TRPM3: variants seen among roughly 807,000 people sequenced by gnomAD.
TRPM3 encodes the protein long transient receptor potential channel 3.
TRPM3 carries 77 observed loss-of-function variants against 181.2 expected under a neutral mutation model. The observed-to-expected ratio is 0.42, with a 90% CI of 0.35 to 0.51. The LOEUF (loss-of-function observed/expected upper bound fraction) is 0.51. TRPM3 is among the 20% of genes least tolerant of loss of function. TRPM3 has a pLI of 0.01. For missense variants in TRPM3, 1,759 were observed against 2,196.7 expected (o/e 0.80, Z 3.98); for synonymous variants, 745 against 796.4 (o/e 0.94, Z 1.09).
intron 1 of TRPM3, among the ~76,000 whole-genome samples, chr9:70,971,438 C>T (rs770235002): frequency 7.2e-4 from 110 of 152,146 alleles, no homozygotes; most frequent in Admixed American, 2.6e-3. Flanking sequence ...GCTCTCTATT[C>T]ACCGCTAGGA....
At chr9:70,936,936 A>G (rs1034257982) in intron 1 of TRPM3, among the ~76,000 whole-genome samples, 13 of 152,204 alleles carry the variant, frequency 8.5e-5, no homozygotes, top group Non-Finnish European at 1.6e-4. Context: ...CAAAAAACAC[A>G]CAGCTTATCA....
At chr9:71,446,193 G>A (rs1229562156) in intron 1 of TRPM3, among the ~76,000 whole-genome samples, 1 of 152,104 alleles carries the variant, frequency 6.6e-6, no homozygotes, top group East Asian at 1.9e-4. Context: ...TAAAATGGTG[G>A]GGGTGTGGGA....
chr9:71,292,186 A>G (rs563572447), intron 1 of TRPM3, among the ~76,000 whole-genome samples: 17 of 152,208 alleles, frequency 1.1e-4, no homozygotes, highest in African/African-American at 4.1e-4. Flanking sequence ...AGTACCTCGA[A>G]AGTTGAAAAC....
Position 71,168,281 on chromosome 9 carries a change from T to C in TRPM3, c.183+278372A>G, listed in dbSNP as rs1222544333. 3.3e-5 allele frequency among the ~76,000 whole-genome samples: 5 copies of C among 152,178 alleles called. No individual in the cohort carries two copies. The East Asian group carries it at 7.7e-4, about 23-fold the overall frequency. Reference sequence around the variant, plus strand: ...TTATCTGCTATCTTCCTTTGTAATCTAGTTTTCACTCTTTTGTACTTGTTA... The same window carrying C: ...TTATCTGCTATCTTCCTTTGTAATCCAGTTTTCACTCTTTTGTACTTGTTA... On this transcript the variant is annotated intron_variant, in intron 1 of 24. Transcript: ENST00000357533.
In TRPM3 at chr9:71,223,973, A is replaced by G. The variant is rs540082448; in HGVS notation, c.183+222680T>C. ...GGACTCAGGAGGAACTTGCCACCCT[A>G]AAGGGAAGAACACAAATCTGACTGG... is the stretch of plus-strand genomic sequence containing the variant. On this transcript the variant is annotated intron_variant, in intron 1 of 24. Coordinates refer to the TRPM3 transcript ENST00000357533. Among the ~76,000 whole-genome samples, 3 of 152,320 alleles carry G rather than the reference A, an allele frequency of 2.0e-5. 1 individual carries two copies. The South Asian group carries it at 6.2e-4, about 32-fold the overall frequency.
chr9:70,793,555 A>C (rs747259497), intron 6 of TRPM3: 8 of 467,918 alleles, frequency 1.7e-5, no homozygotes, highest in South Asian at 1.1e-4. Flanking sequence ...ATACATACAT[A>C]TATATACCCC....
At chr9:70,643,808 G>A (rs1257763363) in intron 9 of TRPM3, among the ~76,000 whole-genome samples, 1 of 152,210 alleles carries the variant, frequency 6.6e-6, no homozygotes, top group Non-Finnish European at 1.5e-5. Flanking sequence ...GTTTTTAAAA[G>A]TTCCCCAATG....
intron 6 of TRPM3, among the ~76,000 whole-genome samples, chr9:70,819,472 G>A (rs1398867376): frequency 1.3e-5 from 2 of 152,128 alleles, no homozygotes; most frequent in African/African-American, 4.8e-5. Flanking sequence ...AGTTTAATCT[G>A]CTGCTTTAGA....
At chr9:70,751,316 G>C (rs1211355740) in intron 8 of TRPM3, among the ~76,000 whole-genome samples, 1 of 152,030 alleles carries the variant, frequency 6.6e-6, no homozygotes, top group African/African-American at 2.4e-5. Flanking sequence ...GCAAGACAAA[G>C]CATTGTCAGG....
At chr9:70,966,530 G>T (rs1254391702) in intron 1 of TRPM3, among the ~76,000 whole-genome samples, 2 of 151,986 alleles carry the variant, frequency 1.3e-5, no homozygotes, top group African/African-American at 4.8e-5. Flanking sequence ...ATAAAATGTG[G>T]TACATATACA....
intron 1 of TRPM3, among the ~76,000 whole-genome samples, chr9:71,342,977 T>C (rs1003420176): frequency 1.3e-5 from 2 of 152,060 alleles, no homozygotes; most frequent in South Asian, 2.1e-4. Context: ...ATATCTACAA[T>C]AGTGTACCCT....
chr9:71,279,034 T>TAAAAAAAAAAAAAAAAA (rs200421016), intron 1 of TRPM3, among the ~76,000 whole-genome samples: 7 of 47,570 alleles, frequency 1.5e-4, no homozygotes, highest in African/African-American at 6.2e-4. Context: ...CCTGCTTAGG[T>TAAAAAAAAAAAAAAAAA]TAAAAAAAAT....
intron 1 of TRPM3, among the ~76,000 whole-genome samples, chr9:71,243,639 T>G (rs537281198): frequency 1.3e-5 from 2 of 152,194 alleles, no homozygotes; most frequent in Non-Finnish European, 2.9e-5. Context: ...AACAAATGAA[T>G]AGAAGAATAA....
chr9:70,558,896 G>A (rs1415953919), intron 22 of TRPM3, among the ~76,000 whole-genome samples: 2 of 152,164 alleles, frequency 1.3e-5, no homozygotes, highest in Non-Finnish European at 2.9e-5. Flanking sequence ...GCAGAAGCCT[G>A]GAAATGCTAT....
chr9:70,610,913 G>A (rs949994224), intron 18 of TRPM3, among the ~76,000 whole-genome samples, 164 bp from the exon 19 acceptor site: 6 of 152,306 alleles, frequency 3.9e-5, no homozygotes, highest in South Asian at 2.1e-4. Context: ...TGCACTACAC[G>A]TATAATCTGT....
At chr9:70,908,184 G>A (rs1198539884) in intron 1 of TRPM3, among the ~76,000 whole-genome samples, 9 of 152,250 alleles carry the variant, frequency 5.9e-5, no homozygotes, top group South Asian at 2.1e-4. Flanking sequence ...GACAAAAATC[G>A]TATGAGCAGA....
chr9:71,352,207 A>G (rs1385109132), intron 1 of TRPM3, among the ~76,000 whole-genome samples: 2 of 152,206 alleles, frequency 1.3e-5, no homozygotes, highest in South Asian at 2.1e-4. Flanking sequence ...TGAATAGTGT[A>G]TATACAAATG....
intron 1 of TRPM3, among the ~76,000 whole-genome samples, chr9:70,966,225 T>A (rs761492803): frequency 1.3e-5 from 2 of 151,998 alleles, no homozygotes; most frequent in Non-Finnish European, 2.9e-5. Context: ...ATGGCTATTA[T>A]TAAAAAATCA....
intron 25 of TRPM3, among the ~76,000 whole-genome samples, chr9:70,548,689 G>A (rs551532710): frequency 7.9e-5 from 12 of 152,194 alleles, no homozygotes; most frequent in African/African-American, 1.2e-4. Flanking sequence ...GGTGTTCTTC[G>A]GAACAGTGGT....
Sources: allele counts gnomAD v4.1 joint callset (sites outside exome capture counted in the v4.1 genomes callset), GRCh38; gene constraint gnomAD v4.1.1; transcripts MANE v1.5; gene names NCBI Gene and HGNC (gene_info 2026-07-23, HGNC 2026-07-21).